OSMR: variants seen among roughly 807,000 people sequenced by gnomAD.
OSMR encodes oncostatin M receptor.
A neutral mutation model predicts 99.9 loss-of-function variants in OSMR; 81 were observed. The ratio of observed to expected loss-of-function variants is 0.81; its 90% CI spans 0.68 to 0.97. The LOEUF (loss-of-function observed/expected upper bound fraction) is 0.97, where lower values mean the gene tolerates loss of function less well. Ranked by LOEUF, OSMR falls within the 50% of genes least tolerant of loss-of-function variation. The pLI is 0.00. For missense variants in OSMR, 1,099 were observed against 1,153.4 expected, an observed-to-expected ratio of 0.95 and a Z score of 0.68; for synonymous variants, 406 against 410.4, an observed-to-expected ratio of 0.99 and a Z score of 0.13.
chr5:38,890,849 T>A (rs1432404288), intron 7 of OSMR, among the ~76,000 whole-genome samples: 1 of 152,060 alleles, frequency 6.6e-6, no homozygotes, highest in Non-Finnish European at 1.5e-5. Flanking sequence ...CTGGGGACGT[T>A]GAATGATTCT....
rs1746877529 is a variant in OSMR, at chr5:38,933,429, T to C, written c.2925T>C (p.Gly975=). 6.2e-7 allele frequency: 1 copy of C among 1,614,000 alleles called. No individual in the cohort carries two copies. The highest frequency in any genetic ancestry group is 2.2e-5 in the East Asian group (1 of 44,884). ...CCTCAATTACCCTTTTAGATCCAGG[T>C]GAACACTACTGCTAACCAGCATGCC... ...SLSSITLLDP[G]EHYC The change falls in exon 18 of 18, where the codon GGT becomes GGC. Residue 975 remains glycine (G), a synonymous_variant. Coordinates refer to ENST00000274276, the MANE Select transcript of OSMR (RefSeq NM_003999.3).
intron 9 of OSMR, among the ~76,000 whole-genome samples, chr5:38,909,961 G>T (rs1200389920): frequency 1.3e-5 from 2 of 152,198 alleles, no homozygotes; most frequent in East Asian, 1.9e-4. Flanking sequence ...AGATCCAACT[G>T]TATGCTGTCT....
Position 38,935,107 on chromosome 5 carries a change from T to G in OSMR, c.*1663T>G, listed in dbSNP as rs1746954995. 6.6e-6 allele frequency: 1 copy of G among 152,480 alleles called. No individual in the cohort carries two copies. The highest frequency in any genetic ancestry group is 1.5e-5 in the Non-Finnish European group (1 of 68,258). 9.4% of individuals were successfully genotyped at this position (152,480 alleles called of 1,614,324 possible). On this transcript the variant is annotated 3_prime_UTR_variant, in exon 18 of 18. Transcript: ENST00000274276. ...GCCTTGGCCTCCCAAAGTGCTGGGA[T>G]TACAGGCGTGAGCCACTGCGCCTAG...
chr5:38,869,977 C>T (rs6862959), intron 2 of OSMR, among the ~76,000 whole-genome samples: 9,661 of 151,786 alleles, frequency 0.064, 808 homozygotes, highest in East Asian at 0.44. Flanking sequence ...ATGATCTTTG[C>T]GGGGAATATG....
intron 7 of OSMR, among the ~76,000 whole-genome samples, chr5:38,887,961 C>G (rs72635256): frequency 1.3e-5 from 2 of 151,982 alleles, no homozygotes; most frequent in Non-Finnish European, 2.9e-5. Flanking sequence ...CTTCGTTTCG[C>G]GCCGGTTTGG....
intron 2 of OSMR, among the ~76,000 whole-genome samples, chr5:38,871,812 TTTGATA>T (rs1166473971): frequency 1.3e-5 from 2 of 152,160 alleles, no homozygotes; most frequent in Non-Finnish European, 2.9e-5. Context: ...AGTGTTTTTC[TTTGATA>T]TTAAATGTTC....
At chr5:38,942,724 G>T in intron 1 of OSMR, 1 of 868,030 alleles carries the variant, frequency 1.2e-6, no homozygotes, top group Non-Finnish European at 1.8e-6. Flanking sequence ...ACAAAGTGCT[G>T]GGATTGTAGG....
intron 13 of OSMR, among the ~76,000 whole-genome samples, chr5:38,923,556 A>C (rs1746332532): frequency 6.6e-6 from 1 of 152,192 alleles, no homozygotes; most frequent in African/African-American, 2.4e-5. Context: ...GAAGTCTTAA[A>C]GATAGGATGC....
At chr5:38,881,898 G>A in intron 4 of OSMR, 134 bp downstream of exon 4, 1 of 769,716 alleles carries the variant, frequency 1.3e-6, no homozygotes, top group Non-Finnish European at 2.1e-6. Context: ...GCTCCTATGG[G>A]AACTAAAAAA....
At chr5:38,879,606 G>A (rs1479206493) in intron 3 of OSMR, among the ~76,000 whole-genome samples, 1 of 151,368 alleles carries the variant, frequency 6.6e-6, no homozygotes, top group East Asian at 2.0e-4. Flanking sequence ...TGGGGGAAGA[G>A]AGGAAATATT....
chr5:38,872,262 A>G (rs1198283022), intron 2 of OSMR, among the ~76,000 whole-genome samples: 1 of 152,246 alleles, frequency 6.6e-6, no homozygotes, highest in Non-Finnish European at 1.5e-5. Flanking sequence ...CACCTGAGTC[A>G]TTCAGCACTC....
chr5:38,888,928 G>C (rs1265489464), intron 7 of OSMR, among the ~76,000 whole-genome samples: 1 of 152,038 alleles, frequency 6.6e-6, no homozygotes, highest in Non-Finnish European at 1.5e-5. Flanking sequence ...TTAATGGTCA[G>C]TTTGAATAGA....
At chr5:38,913,253 A>G (rs1346347824) in intron 9 of OSMR, among the ~76,000 whole-genome samples, 1 of 152,100 alleles carries the variant, frequency 6.6e-6, no homozygotes, top group African/African-American at 2.4e-5. Flanking sequence ...AACCCCATTA[A>G]AAAGTGGGCA....
At chr5:38,884,320 T>C (rs1743535568) in intron 5 of OSMR, among the ~76,000 whole-genome samples, 2 of 152,214 alleles carry the variant, frequency 1.3e-5, no homozygotes, top group Non-Finnish European at 2.9e-5. Flanking sequence ...GAGAGTTGTA[T>C]TCCTAGAAAT....
At chr5:38,896,329 T>A (rs947067014) in intron 7 of OSMR, among the ~76,000 whole-genome samples, 7 of 152,094 alleles carry the variant, frequency 4.6e-5, no homozygotes. Flanking sequence ...CTTTTATCAA[T>A]GTTTTGTAGT....
Position 38,918,937 on chromosome 5 carries a change from C to G in OSMR, c.1460C>G (p.Pro487Arg). ...TCCAGTTCAGAGCTCCATTCCATTC[C>G]AGCACCAGCCAACAGCACAAAACTA... ...KPSSSELHSI[P>R]APANSTKLIL... Residue 487 changes from proline (P) to arginine (R), a missense_variant, in exon 11 of 18, where the codon CCA becomes CGA. Coordinates refer to ENST00000274276, the MANE Select transcript of OSMR (RefSeq NM_003999.3). The G allele has an allele frequency of 6.2e-7, 1 of 1,614,010 alleles. No homozygotes were observed. Among genetic ancestry groups the G allele is most frequent in the Non-Finnish European group, 8.5e-7 (1 of 1,179,950 alleles).
chr5:38,933,685 G>A lies in OSMR; in HGVS notation c.*241G>A. 5.4e-6 allele frequency: 3 copies of A among 551,404 alleles called. No individual in the cohort carries two copies. Among genetic ancestry groups the A allele is most frequent in the South Asian group, 4.1e-5 (2 of 48,726 alleles). The allele number at this position is 551,404 out of a possible 1,614,324, so 34.2% of individuals were successfully genotyped here. The stretch of plus-strand genomic sequence containing the variant: ...GGAGCATGCTTACCTTCTGCTGTTT[G>A]TTCCAGGCTCACCTTTAGAACAGGA... On this transcript the variant is annotated 3_prime_UTR_variant, in exon 18 of 18. Transcript: ENST00000274276.
chr5:38,853,124 C>T (rs1183553148), intron 1 of OSMR, among the ~76,000 whole-genome samples: 1 of 152,098 alleles, frequency 6.6e-6, no homozygotes, highest in Non-Finnish European at 1.5e-5. Context: ...ACATCCTTAT[C>T]TTTTTTGCTT....
At chr5:38,878,554 G>A (rs1561357896) in intron 3 of OSMR, among the ~76,000 whole-genome samples, 1 of 152,146 alleles carries the variant, frequency 6.6e-6, no homozygotes, top group South Asian at 2.1e-4. Flanking sequence ...AATGGCATAG[G>A]AAGGCAAAGT....
Sources: allele counts gnomAD v4.1 joint callset (sites outside exome capture counted in the v4.1 genomes callset), GRCh38; gene constraint gnomAD v4.1.1; transcripts MANE v1.5; gene names NCBI Gene and HGNC (gene_info 2026-07-23, HGNC 2026-07-21).